The following SLC13A3 variants were observed in gnomAD, a reference collection of about 807,000 sequenced individuals.
SLC13A3 encodes the protein solute carrier family 13 member 3.
Under a neutral mutation model 59.0 loss-of-function variants are expected in SLC13A3, and 40 were observed. The ratio of observed to expected loss-of-function variants is 0.68; its 90% CI spans 0.53 to 0.88. The LOEUF is 0.88. Among genes scored for constraint, SLC13A3 ranks in the 40% least tolerant of loss-of-function variants. The pLI is 0.00. For synonymous variants in SLC13A3, 317 were observed against 330.3 expected, an observed-to-expected ratio of 0.96 and a Z score of 0.44; for missense variants, 699 against 783.2, an observed-to-expected ratio of 0.89 and a Z score of 1.28.
At chr20:46,670,735 G>A (rs1006775629), upstream of SLC13A3, among the ~76,000 whole-genome samples, 2 of 152,128 alleles carry the variant, frequency 1.3e-5, no homozygotes, top group African/African-American at 4.8e-5. Flanking sequence ...CCACCCAACT[G>A]AGCCCAGTCA....
intron 10 of SLC13A3, among the ~76,000 whole-genome samples, chr20:46,570,964 G>A (rs187310439): frequency 6.6e-6 from 1 of 152,248 alleles, no homozygotes; most frequent in East Asian, 1.9e-4. Flanking sequence ...AAAGGAAAGA[G>A]GCTTAATTGA....
rs2063024043 is a variant in SLC13A3 at position 46,660,670 on chromosome 20, G to A, written c.-31+9373C>T. ...GCTGAGCTGCTTGGATCTGTGCATT[G>A]ATGTCTTTCATCAATTTTGGTATAT... On this transcript the variant is annotated intron_variant, in intron 1 of 12. Transcript: ENST00000290317. 2.0e-5 allele frequency among the ~76,000 whole-genome samples: 3 copies of A among 152,038 alleles called. No individual in the cohort carries two copies. In the South Asian group the frequency reaches 6.2e-4, roughly 32 times the overall value.
Position 46,651,342 on chromosome 20 carries a change from A to C in SLC13A3, c.80T>G (p.Leu27Arg), listed in dbSNP as rs938741701. ...CGGGAGGGCGAAGACCACCGGCAGC[A>C]GCGCGAGCGGCGTGAACAGCAGCAC... ...LLVLLFTPLA[L>R]LPVVFALPPK... The change falls in exon 1 of 13, where the codon CTG becomes CGG. Residue 27 changes from leucine to arginine, a missense_variant. Physicochemically the swap from Leu to Arg is moderately radical, Grantham distance 102. Transcript: ENST00000279027. 1 of 1,515,350 alleles carries C rather than the reference A, an allele frequency of 6.6e-7. No homozygotes were observed. The highest frequency in any genetic ancestry group is 8.8e-7 in the Non-Finnish European group (1 of 1,133,892). 93.9% of individuals were successfully genotyped at this position (1,515,350 alleles called of 1,614,324 possible). A position where few individuals can be genotyped will look rare whatever the true frequency, so the allele number is the denominator to read the frequency against.
intron 1 of SLC13A3, among the ~76,000 whole-genome samples, chr20:46,648,712 C>A (rs1002484788): frequency 6.6e-6 from 1 of 152,096 alleles, no homozygotes; most frequent in African/African-American, 2.4e-5. Flanking sequence ...TGAGACCAGC[C>A]TGGGTGACAT....
At position 46,583,661 on chromosome 20, in the gene SLC13A3, G is replaced by T. The variant is rs752308476; in HGVS notation, c.1130C>A (p.Ser377Tyr). The stretch of plus-strand genomic sequence containing the variant: ...AATAGCCACGCCGGTGACAGCATCA[G>T]AAAGAAACCTACAATGAGAAGGCCC... ...WASLFNPGFL[S>Y]DAVTGVAIVT... The change falls in exon 9 of 13, where the codon TCT becomes TAT. Residue 377 changes from serine (S) to tyrosine (Y), a missense_variant. Physicochemically the swap from Ser to Tyr is moderately radical, Grantham distance 144 (BLOSUM62 -2). Transcript: ENST00000279027. 1 of 1,614,182 alleles carries T rather than the reference G, an allele frequency of 6.2e-7. No individual in the cohort carries two copies. The highest frequency in any genetic ancestry group is 8.5e-7 in the Non-Finnish European group (1 of 1,180,026).
chr20:46,596,003 A>G (rs751816332), intron 5 of SLC13A3, among the ~76,000 whole-genome samples, 154 bp downstream of exon 5: 1 of 152,188 alleles, frequency 6.6e-6, no homozygotes, highest in East Asian at 1.9e-4. Context: ...AAGTTCCCCA[A>G]GGGCAGGGAT....
chr20:46,596,862 G>C (rs1418722225), intron 4 of SLC13A3, among the ~76,000 whole-genome samples: 1 of 152,018 alleles, frequency 6.6e-6, no homozygotes, highest in Non-Finnish European at 1.5e-5. Flanking sequence ...ACCAGCCTGG[G>C]CAATATAGTG....
chr20:46,652,450 G>A (rs1274726811), upstream of SLC13A3, among the ~76,000 whole-genome samples: 1 of 151,910 alleles, frequency 6.6e-6, no homozygotes, highest in African/African-American at 2.4e-5. Context: ...CTGGGGAGCA[G>A]TGGAGCGATC....
chr20:46,644,437 A>T (rs1371040523), intron 1 of SLC13A3, among the ~76,000 whole-genome samples: 1 of 151,236 alleles, frequency 6.6e-6, no homozygotes, highest in African/African-American at 2.4e-5. Context: ...AGCATCTCCC[A>T]TTTTTTTTTC....
intron 9 of SLC13A3, among the ~76,000 whole-genome samples, chr20:46,578,908 A>G (rs202384): frequency 0.6 from 81,254 of 135,278 alleles, 22,760 homozygotes; most frequent in African/African-American, 0.67. Context: ...CGTCGTCGTC[A>G]TCATCATCAT....
At chr20:46,608,135 G>A (rs1050584098) in intron 3 of SLC13A3, among the ~76,000 whole-genome samples, 3 of 152,146 alleles carry the variant, frequency 2.0e-5, no homozygotes, top group African/African-American at 7.2e-5. Context: ...TTGTACAGCA[G>A]GGGTCAGTGA....
upstream of SLC13A3, among the ~76,000 whole-genome samples, chr20:46,652,683 C>A (rs2062960575): frequency 6.6e-6 from 1 of 151,934 alleles, no homozygotes; most frequent in Non-Finnish European, 1.5e-5. Flanking sequence ...GTGTGCGTCA[C>A]CACGCCCGGC....
At chr20:46,676,001 T>G (rs961477222) in intron 1 of SLC13A3, 1 of 151,690 alleles carries the variant, frequency 6.6e-6, no homozygotes, top group African/African-American at 2.4e-5. Flanking sequence ...CTCCACATCC[T>G]GGGTTCAAGC....
At position 46,559,387 on chromosome 20, in the gene SLC13A3, A is replaced by C. The variant is rs2061911613; in HGVS notation, c.*635T>G. 1 of 152,256 alleles carries C rather than the reference A, an allele frequency of 6.6e-6. No individual in the cohort carries two copies. The highest frequency in any genetic ancestry group is 1.5e-5 in the Non-Finnish European group (1 of 68,054). 9.4% of individuals were successfully genotyped at this position (152,256 alleles called of 1,614,324 possible). A position where few individuals can be genotyped will look rare whatever the true frequency, so the allele number is the denominator to read the frequency against. ...CCTGGTATGCTCAGGAGCCCAGAGA[A>C]ACAGCAAAGAGGCTTTGCACAGTCT... On this transcript the variant is annotated 3_prime_UTR_variant, in exon 13 of 13. Transcript: ENST00000279027.
chr20:46,563,609 C>CG lies in SLC13A3; in HGVS notation c.1495-59_1495-58insC, dbSNP rs1339279109. 8.9e-4 allele frequency: 699 copies of CG among 784,352 alleles called. 2 individuals are homozygous for CG. The highest frequency in any genetic ancestry group is 6.4e-3 in the African/African-American group (187 of 29,040). 48.6% of individuals were successfully genotyped at this position (784,352 alleles called of 1,614,324 possible). A position where few individuals can be genotyped will look rare whatever the true frequency, so the allele number is the denominator to read the frequency against. On this transcript the variant is annotated intron_variant, in intron 11 of 12. Coordinates refer to ENST00000279027, the MANE Select transcript of SLC13A3 (RefSeq NM_022829.6). ...AGAGACCAACGCAGAGCGACCACAG[C>CG]AAGAGGGAGAGAGAGAGAGAGAGGC...
intron 9 of SLC13A3, among the ~76,000 whole-genome samples, chr20:46,581,073 C>T (rs183976720): frequency 1.3e-5 from 2 of 152,378 alleles, no homozygotes; most frequent in African/African-American, 4.8e-5. Flanking sequence ...AGCAGAACCT[C>T]TGCTGCTGCT....
Position 46,588,141 on chromosome 20 carries a change from T to A in SLC13A3, c.1039A>T (p.Ile347Phe). Residue 347 changes from isoleucine to phenylalanine, a missense_variant, in exon 8 of 13, where the codon ATC (isoleucine) becomes TTC (phenylalanine). Transcript: ENST00000279027. ...AGGATGGCAAACATGCAGAAAAGGATGAAAACAGCCTGTTCGGCAAACCTG... is the reference window on the plus strand; with the variant it reads ...AGGATGGCAAACATGCAGAAAAGGAAGAAAACAGCCTGTTCGGCAAACCTG... ...PIKFAEQAVF[I>F]LFCMFAILLF... 6.2e-7 allele frequency: 1 copy of A among 1,612,252 alleles called. No homozygotes were observed.
intron 1 of SLC13A3, among the ~76,000 whole-genome samples, chr20:46,683,785 G>A (rs188725647): frequency 4.7e-4 from 72 of 152,226 alleles, no homozygotes; most frequent in African/African-American, 1.4e-3. Flanking sequence ...TCTCCACCGC[G>A]TTCCCTGCCT....
At chr20:46,676,276 G>A (rs935093966) in intron 1 of SLC13A3, among the ~76,000 whole-genome samples, 4 of 151,914 alleles carry the variant, frequency 2.6e-5, no homozygotes, top group African/African-American at 7.2e-5. Context: ...GCAGTTTCAT[G>A]AAATTTTACA....
Sources: gnomAD v4.1 joint callset for allele counts (sites outside exome capture counted in the v4.1 genomes callset) on GRCh38, gnomAD v4.1.1 for gene constraint, MANE v1.5 for transcripts, NCBI Gene and HGNC (gene_info 2026-07-23, HGNC 2026-07-21) for gene names.